ADAMTS17: variants seen among roughly 807,000 people sequenced by gnomAD.
ADAMTS17 encodes the protein ADAM metallopeptidase with thrombospondin type 1 motif 17.
In ADAMTS17, 113 loss-of-function variants were observed where a neutral mutation model predicts 141.5. The ratio of observed to expected loss-of-function variants is 0.80; its 90% CI spans 0.69 to 0.93. ADAMTS17 has a LOEUF of 0.93. ADAMTS17 is among the 40% of genes least tolerant of loss of function. The pLI is 0.00. For synonymous variants in ADAMTS17, 768 were observed against 630.6 expected, an observed-to-expected ratio of 1.22 and a Z score of -3.27; for missense variants, 1,659 against 1,517.9, an observed-to-expected ratio of 1.09 and a Z score of -1.54.
At chr15:100,081,898 T>C (rs1007755519) in intron 15 of ADAMTS17, among the ~76,000 whole-genome samples, 3 of 152,224 alleles carry the variant, frequency 2.0e-5, no homozygotes, top group African/African-American at 7.2e-5. Context: ...CTTTGCCCAT[T>C]TTTCTACCAT....
intron 20 of ADAMTS17, among the ~76,000 whole-genome samples, chr15:99,990,052 T>G (rs937745211): frequency 2.6e-5 from 4 of 152,332 alleles, no homozygotes; most frequent in Admixed American, 1.3e-4. Context: ...TGGTTCGAAG[T>G]GCATCTTTCT....
intron 7 of ADAMTS17, among the ~76,000 whole-genome samples, chr15:100,233,402 C>T (rs2042552206): frequency 6.6e-6 from 1 of 151,966 alleles, no homozygotes; most frequent in Non-Finnish European, 1.5e-5. Context: ...AGATGGTCAA[C>T]AGGAGTCACA....
intron 18 of ADAMTS17, among the ~76,000 whole-genome samples, chr15:100,025,465 G>T (rs1407949849): frequency 6.7e-6 from 1 of 148,908 alleles, no homozygotes; most frequent in Admixed American, 6.7e-5. Flanking sequence ...AGGCTGGAGT[G>T]AAGTGGCGTG....
chr15:100,270,175 T>C (rs1464357535), intron 4 of ADAMTS17, among the ~76,000 whole-genome samples: 3 of 133,614 alleles, frequency 2.2e-5, no homozygotes, highest in Admixed American at 7.2e-5. Flanking sequence ...TCTGTGGCTC[T>C]GGAGCCATTT....
At chr15:100,039,053 T>C (rs2031015022) in intron 18 of ADAMTS17, among the ~76,000 whole-genome samples, 1 of 152,256 alleles carries the variant, frequency 6.6e-6, no homozygotes, top group Admixed American at 6.5e-5. Context: ...GTTCATAGTG[T>C]TCATTCCCAA....
chr15:100,242,984 G>T (rs1343481857), intron 7 of ADAMTS17, among the ~76,000 whole-genome samples: 1 of 152,138 alleles, frequency 6.6e-6, no homozygotes. Flanking sequence ...AATTCCCCAT[G>T]ACCGCGTTCC....
intron 7 of ADAMTS17, among the ~76,000 whole-genome samples, chr15:100,226,357 C>T (rs1470624325): frequency 6.6e-6 from 1 of 152,242 alleles, no homozygotes; most frequent in Non-Finnish European, 1.5e-5. Flanking sequence ...AAGCAGGAGT[C>T]AGCCGGGGGA....
At chr15:99,974,630 G>T in intron 21 of ADAMTS17, 68 bp from the exon 22 acceptor site, 1 of 1,601,998 alleles carries the variant, frequency 6.2e-7, no homozygotes. Flanking sequence ...GCAGGCACAG[G>T]GAGGGCTTGT....
At chr15:100,333,233 C>G (rs983480550) in intron 2 of ADAMTS17, among the ~76,000 whole-genome samples, 2 of 152,178 alleles carry the variant, frequency 1.3e-5, no homozygotes, top group African/African-American at 4.8e-5. Context: ...TCCACTGAGG[C>G]AAGATCAGAA....
Position 99,975,048 on chromosome 15 carries a change from G to A in ADAMTS17, c.3128-486C>T, listed in dbSNP as rs74036648. On this transcript the variant is annotated intron_variant, in intron 21 of 21. Transcript: ENST00000268070. The stretch of plus-strand genomic sequence containing the variant: ...TCCTGAAGTTCCCAAGCAGGCCGGT[G>A]CTTGAAAAGACACAACTATACTTCT... Among the ~76,000 whole-genome samples the A allele has an allele frequency of 1.8e-3, 267 of 152,298 alleles. 1 individual carries two copies. The highest frequency in any genetic ancestry group is 5.9e-3 in the African/African-American group (245 of 41,564).
intron 7 of ADAMTS17, among the ~76,000 whole-genome samples, chr15:100,224,875 GC>G (rs1224597219): frequency 1.3e-5 from 2 of 152,250 alleles, no homozygotes; most frequent in Non-Finnish European, 2.9e-5. Context: ...GGTAGAAGCA[GC>G]AAAGGAAGCT....
intron 14 of ADAMTS17, among the ~76,000 whole-genome samples, chr15:100,100,000 G>A (rs1216266166): frequency 1.3e-5 from 2 of 152,210 alleles, no homozygotes; most frequent in African/African-American, 2.4e-5. Flanking sequence ...CACACCTAGT[G>A]GACGTGTCTC....
At chr15:100,015,538 G>C (rs1254321293) in intron 18 of ADAMTS17, among the ~76,000 whole-genome samples, 2 of 152,184 alleles carry the variant, frequency 1.3e-5, no homozygotes, top group African/African-American at 4.8e-5. Context: ...GCTCCTTTGA[G>C]CAGTCCTTGT....
At chr15:100,017,047 C>A (rs1349923183) in intron 18 of ADAMTS17, among the ~76,000 whole-genome samples, 1 of 152,076 alleles carries the variant, frequency 6.6e-6, no homozygotes, top group Admixed American at 6.5e-5. Flanking sequence ...GCTGTGGCTG[C>A]TATGGGGGAT....
At chr15:100,170,285 A>AT (rs1351455424) in intron 8 of ADAMTS17, among the ~76,000 whole-genome samples, 2 of 152,168 alleles carry the variant, frequency 1.3e-5, no homozygotes, top group African/African-American at 4.8e-5. Flanking sequence ...CACAGTTGAG[A>AT]TACAGGCCTT....
intron 14 of ADAMTS17, among the ~76,000 whole-genome samples, chr15:100,108,206 T>C (rs913168366): frequency 6.6e-6 from 1 of 151,762 alleles, no homozygotes; most frequent in Non-Finnish European, 1.5e-5. Flanking sequence ...GAGTCTTGCT[T>C]TGTTGCCCAG....
At chr15:100,328,978 G>T (rs2045970343) in intron 3 of ADAMTS17, among the ~76,000 whole-genome samples, 2 of 152,112 alleles carry the variant, frequency 1.3e-5, no homozygotes, top group South Asian at 4.1e-4. Flanking sequence ...TATTCCTCAG[G>T]TTTAACAGTC....
At chr15:100,071,017 G>C (rs1403471783) in intron 15 of ADAMTS17, among the ~76,000 whole-genome samples, 1 of 150,174 alleles carries the variant, frequency 6.7e-6, no homozygotes, top group Non-Finnish European at 1.5e-5. Context: ...AAGAAGAAAA[G>C]AGACAAGAAT....
chr15:100,153,503 A>C (rs183540917), intron 9 of ADAMTS17, among the ~76,000 whole-genome samples: 1 of 152,244 alleles, frequency 6.6e-6, no homozygotes, highest in Admixed American at 6.5e-5. Context: ...TTAGCCAGGC[A>C]TGGTTGTAGT....
Sources: allele counts gnomAD v4.1 joint callset (sites outside exome capture counted in the v4.1 genomes callset), GRCh38; gene constraint gnomAD v4.1.1; transcripts MANE v1.5; gene names NCBI Gene and HGNC (gene_info 2026-07-23, HGNC 2026-07-21).